Variants in CDK13 observed in about 807,000 individuals in gnomAD.
The protein encoded by CDK13 is cyclin-dependent kinase 13.
In CDK13, 40 loss-of-function variants were observed where a neutral mutation model predicts 137.6. That is an observed-to-expected ratio of 0.29 (90% confidence interval 0.23 to 0.38). CDK13 has a LOEUF of 0.38. Ranked by LOEUF, CDK13 falls within the 10% of genes least tolerant of loss-of-function variation. The probability of loss-of-function intolerance (pLI) is 1.00; values close to 1 mark genes in which losing one functional copy is unlikely to be tolerated. For synonymous variants in CDK13, 869 were observed against 760.1 expected, an observed-to-expected ratio of 1.14 and a Z score of -2.36; for missense variants, 1,704 against 1,951.8, an observed-to-expected ratio of 0.87 and a Z score of 2.39.
At chr7:39,990,968 A>G (rs1052200281) in intron 2 of CDK13, among the ~76,000 whole-genome samples, 2 of 152,246 alleles carry the variant, frequency 1.3e-5, no homozygotes, top group Non-Finnish European at 2.9e-5. Context: ...TAATATATAA[A>G]CCATTATATG....
intron 5 of CDK13, among the ~76,000 whole-genome samples, chr7:40,021,313 A>T (rs912989490): frequency 6.6e-6 from 1 of 151,958 alleles, no homozygotes; most frequent in African/African-American, 2.4e-5. Context: ...CCTGACCAAC[A>T]TGGTGAAACC....
rs1787047341 is a variant in CDK13 at position 40,096,369 on chromosome 7, C to G, written c.*1389C>G. On this transcript the variant is annotated 3_prime_UTR_variant, in exon 14 of 14. Transcript: ENST00000181839. ...AACATTTTTTTTTAATGAAGAGCAT[C>G]AAAGAATGGAGTAGTCCTTATTTAA... The G allele has an allele frequency of 6.6e-6, 1 of 151,900 alleles. No individual in the cohort carries two copies. The highest frequency in any genetic ancestry group is 1.5e-5 in the Non-Finnish European group (1 of 67,984). 9.4% of individuals were successfully genotyped at this position (151,900 alleles called of 1,614,324 possible).
At chr7:39,962,833 T>C (rs1258494498) in intron 1 of CDK13, among the ~76,000 whole-genome samples, 1 of 152,230 alleles carries the variant, frequency 6.6e-6, no homozygotes, top group East Asian at 1.9e-4. Context: ...GTTTCAGCTT[T>C]CTACATAATG....
At chr7:39,967,583 C>G (rs1189552777) in intron 1 of CDK13, among the ~76,000 whole-genome samples, 2 of 152,062 alleles carry the variant, frequency 1.3e-5, no homozygotes, top group East Asian at 3.9e-4. Context: ...CCTAAGCATA[C>G]TGATTTCAGT....
chr7:39,966,072 T>C (rs1354168023), intron 1 of CDK13, among the ~76,000 whole-genome samples: 2 of 152,220 alleles, frequency 1.3e-5, no homozygotes, highest in Non-Finnish European at 2.9e-5. Flanking sequence ...ATTTCAACTT[T>C]GGTGAATCTG....
At chr7:40,031,849 A>G (rs946580667) in intron 5 of CDK13, among the ~76,000 whole-genome samples, 1 of 147,014 alleles carries the variant, frequency 6.8e-6, no homozygotes, top group African/African-American at 2.5e-5. Context: ...TATTATTATT[A>G]TTATTATTAT....
At chr7:39,972,680 A>G (rs1784025470) in intron 1 of CDK13, among the ~76,000 whole-genome samples, 1 of 152,134 alleles carries the variant, frequency 6.6e-6, no homozygotes, top group Admixed American at 6.5e-5. Context: ...CAAATATCCC[A>G]TTGTATGGTT....
intron 1 of CDK13, among the ~76,000 whole-genome samples, chr7:39,962,564 T>A (rs1783772293): frequency 6.6e-6 from 1 of 152,244 alleles, no homozygotes; most frequent in Non-Finnish European, 1.5e-5. Flanking sequence ...TGCAGAAATT[T>A]TCTCCCATTT....
At position 40,078,712 on chromosome 7, in the gene CDK13, C is replaced by T. The variant is rs773024183; in HGVS notation, c.2898-8C>T. ...ACACATCTAACTTTTGTAATCCTCT[C>T]ATGCTAGTATTCCTGCAGCTGCGCT... On this transcript the variant is annotated splice_polypyrimidine_tract_variant and splice_region_variant and intron_variant, in intron 10 of 13. Coordinates refer to ENST00000181839, the MANE Select transcript of CDK13 (RefSeq NM_003718.5). 21 of 1,473,984 alleles carry T rather than the reference C, an allele frequency of 1.4e-5. No homozygotes were observed. Among genetic ancestry groups the T allele is most frequent in the Non-Finnish European group, 1.9e-5 (21 of 1,107,518 alleles). 91.3% of individuals were successfully genotyped at this position (1,473,984 alleles called of 1,614,324 possible).
intron 5 of CDK13, among the ~76,000 whole-genome samples, chr7:40,003,091 A>G (rs893027610): frequency 6.6e-6 from 1 of 151,632 alleles, no homozygotes; most frequent in Non-Finnish European, 1.5e-5. Flanking sequence ...AAACGAAAAG[A>G]AAAAGATTAA....
rs986391126 is a variant in CDK13 at position 40,095,166 on chromosome 7, T to A, written c.*186T>A. On this transcript the variant is annotated 3_prime_UTR_variant, in exon 14 of 14. Transcript: ENST00000181839. ...AAACCTTTGCTTAAATTCATGCTGT[T>A]CTAAAAACTAGATCGATTGTACATC... 1 of 421,008 alleles carries A rather than the reference T, an allele frequency of 2.4e-6. No individual in the cohort carries two copies. Among genetic ancestry groups the A allele is most frequent in the Non-Finnish European group, 4.0e-6 (1 of 251,422 alleles). The allele number at this position is 421,008 out of a possible 1,614,324, so 26.1% of individuals were successfully genotyped here. A position where few individuals can be genotyped will look rare whatever the true frequency, so the allele number is the denominator to read the frequency against.
chr7:39,955,437 G>T (rs1259410237), intron 1 of CDK13, among the ~76,000 whole-genome samples: 1 of 152,110 alleles, frequency 6.6e-6, no homozygotes, highest in East Asian at 1.9e-4. Flanking sequence ...GTTACAATAT[G>T]AAGAATTCTA....
At chr7:40,036,417 C>T (rs774478041) in intron 5 of CDK13, among the ~76,000 whole-genome samples, 8 of 151,992 alleles carry the variant, frequency 5.3e-5, no homozygotes, top group Non-Finnish European at 8.8e-5. Flanking sequence ...ACCAAAAGTA[C>T]AACAATTAGC....
chr7:40,088,898 C>T (rs533636825), intron 12 of CDK13, among the ~76,000 whole-genome samples: 31 of 151,992 alleles, frequency 2.0e-4, no homozygotes, highest in African/African-American at 6.3e-4. Context: ...TGGCCAACAT[C>T]GCGAAACCCC....
In CDK13 at chr7:39,997,462, T is replaced by C. The variant is rs768986454; in HGVS notation, c.1872-32T>C. On this transcript the variant is annotated intron_variant, in intron 2 of 13. Coordinates refer to ENST00000181839, the MANE Select transcript of CDK13 (RefSeq NM_003718.5). The stretch of plus-strand genomic sequence containing the variant: ...TATTTTTATTAGTCAACAAAATTTT[T>C]GTTTTATTTGTCTGACTTCTTTCAC... 10 of 1,563,282 alleles carry C rather than the reference T, an allele frequency of 6.4e-6. No homozygotes were observed. In the South Asian group the frequency reaches 9.5e-5, roughly 15 times the overall value.
intron 9 of CDK13, among the ~76,000 whole-genome samples, chr7:40,063,545 A>C (rs531341229): frequency 4.6e-5 from 7 of 152,338 alleles, no homozygotes; most frequent in Admixed American, 4.6e-4. Context: ...ACTAAAATAC[A>C]TGCATATACC....
At chr7:40,054,150 T>A (rs1442984441) in intron 7 of CDK13, among the ~76,000 whole-genome samples, 1 of 152,184 alleles carries the variant, frequency 6.6e-6, no homozygotes, top group East Asian at 1.9e-4. Context: ...AGTTCTTTTT[T>A]AGTAAAGGGT....
At chr7:39,994,878 A>G (rs991486320) in intron 2 of CDK13, among the ~76,000 whole-genome samples, 2 of 151,822 alleles carry the variant, frequency 1.3e-5, no homozygotes, top group Non-Finnish European at 2.9e-5. Flanking sequence ...TTCTTAGACA[A>G]ATTTTATAAT....
At chr7:39,995,701 A>G (rs1784546773) in intron 2 of CDK13, among the ~76,000 whole-genome samples, 1 of 152,204 alleles carries the variant, frequency 6.6e-6, no homozygotes, top group South Asian at 2.1e-4. Context: ...GCTGTGTAAT[A>G]TATTACTTTA....
Sources: gnomAD v4.1 joint callset for allele counts (sites outside exome capture counted in the v4.1 genomes callset) on GRCh38, gnomAD v4.1.1 for gene constraint, MANE v1.5 for transcripts, NCBI Gene and HGNC (gene_info 2026-07-23, HGNC 2026-07-21) for gene names.